Variants in TBX1 observed in about 807,000 individuals in gnomAD.
The protein encoded by TBX1 is T-box transcription factor TBX1.
In TBX1, 16 loss-of-function variants were observed where a neutral mutation model predicts 40.8. The observed-to-expected ratio is 0.39, with a 90% CI of 0.27 to 0.60. The LOEUF (loss-of-function observed/expected upper bound fraction) is 0.60. TBX1 is among the 20% of genes least tolerant of loss of function. TBX1 has a pLI of 0.51. For missense variants in TBX1, 755 were observed against 728.5 expected, an observed-to-expected ratio of 1.04 and a Z score of -0.42; for synonymous variants, 403 against 336.8, an observed-to-expected ratio of 1.20 and a Z score of -2.15.
downstream of TBX1, chr22:19,783,570 AAAAC>A (rs60613692): frequency 0.18 from 30,257 of 166,864 alleles, 2,907 homozygotes; most frequent in South Asian, 0.29. Flanking sequence ...CTTAAAAGAA[AAAAC>A]AAACAAACAA....
intron 1 of TBX1, 94 bp downstream of exon 1, chr22:19,761,374 C>G: frequency 7.6e-7 from 1 of 1,321,714 alleles, no homozygotes; most frequent in Non-Finnish European, 9.7e-7. Flanking sequence ...GGCCGAAAGC[C>G]GGGTCGGGGG....
At chr22:19,768,280 C>T (rs116670463), downstream of TBX1, among the ~76,000 whole-genome samples, 170 of 152,374 alleles carry the variant, frequency 1.1e-3, 2 homozygotes, top group African/African-American at 3.9e-3. Flanking sequence ...GCCTGAGTGC[C>T]ACCTCTCCGA....
chr22:19,777,754 CTTAAT>C (rs1937089421), intron 8 of TBX1, among the ~76,000 whole-genome samples: 1 of 144,724 alleles, frequency 6.9e-6, no homozygotes, highest in African/African-American at 2.5e-5. Flanking sequence ...TGTTGTTACT[CTTAAT>C]TTTTTTTTTT....
At chr22:19,779,644 C>T (rs1417681945), downstream of TBX1, 1 of 964,524 alleles carries the variant, frequency 1.0e-6, no homozygotes, top group African/African-American at 1.7e-5. Context: ...ACTGTAAACT[C>T]ATTATAAACA....
intron 2 of TBX1, 70 bp downstream of exon 2, chr22:19,763,412 AC>A (rs1936732151): frequency 4.9e-6 from 7 of 1,440,762 alleles, no homozygotes; most frequent in Non-Finnish European, 6.8e-6. Context: ...CCGCCTGGTG[AC>A]CCAACTCCAA....
chr22:19,764,870 A>G, intron 3 of TBX1, 88 bp from the exon 4 acceptor site: 1 of 1,532,458 alleles, frequency 6.5e-7, no homozygotes, highest in East Asian at 2.3e-5. Flanking sequence ...CTCATTGCCA[A>G]CTCAGACCTC....
At chr22:19,760,201 G>T (rs1936596171), upstream of TBX1, among the ~76,000 whole-genome samples, 1 of 137,220 alleles carries the variant, frequency 7.3e-6, no homozygotes. Context: ...AGAAAAAAAG[G>T]AAAGACTTTA....
chr22:19,764,538 T>C (rs996192657), intron 3 of TBX1, among the ~76,000 whole-genome samples: 3 of 152,190 alleles, frequency 2.0e-5, no homozygotes, highest in Non-Finnish European at 4.4e-5. Context: ...GAGAGCGGCC[T>C]CTGGTCAGGG....
chr22:19,764,036 G>T, intron 2 of TBX1, 119 bp from the exon 3 acceptor site: 1 of 1,123,434 alleles, frequency 8.9e-7, no homozygotes, highest in South Asian at 1.4e-5. Context: ...CGGCAGCAGA[G>T]GGTTCAATCT....
chr22:19,765,234 G>A lies in TBX1; in HGVS notation c.867+121G>A, dbSNP rs1936792244. ...ACCTGCAGGCTGTGGTCCCAGTGGA[G>A]CCCAACCCAACTGGAGCCCCACTCC... On this transcript the variant is annotated intron_variant, in intron 4 of 6. Transcript: ENST00000649276. 2.0e-6 allele frequency: 3 copies of A among 1,477,042 alleles called. No individual in the cohort carries two copies. The African/African-American group carries it at 4.2e-5, about 20-fold the overall frequency. 91.5% of individuals were successfully genotyped at this position (1,477,042 alleles called of 1,614,324 possible).
At chr22:19,780,774 C>CTTT (rs1569032654), downstream of TBX1, among the ~76,000 whole-genome samples, 28 of 109,502 alleles carry the variant, frequency 2.6e-4, no homozygotes, top group African/African-American at 1.0e-3. Context: ...CACTTGTTTT[C>CTTT]TGTTTTTTTT....
At chr22:19,777,885 A>G (rs1187806249) in intron 8 of TBX1, among the ~76,000 whole-genome samples, 2 of 148,904 alleles carry the variant, frequency 1.3e-5, no homozygotes, top group African/African-American at 5.0e-5. Flanking sequence ...TCAACCTCCC[A>G]TGTAGCTGGG....
chr22:19,770,328 G>A (rs1466366458), downstream of TBX1, among the ~76,000 whole-genome samples: 1 of 152,220 alleles, frequency 6.6e-6, no homozygotes, highest in African/African-American at 2.4e-5. Flanking sequence ...GCATCCCACG[G>A]AAGGGTTCTA....
At chr22:19,763,375 G>A (rs1187103252) in intron 2 of TBX1, 33 bp downstream of exon 2, 1 of 1,606,420 alleles carries the variant, frequency 6.2e-7, no homozygotes, top group South Asian at 1.1e-5. Flanking sequence ...GAGGGACCGG[G>A]AGGGCACCCT....
downstream of TBX1, among the ~76,000 whole-genome samples, chr22:19,779,999 A>T (rs1937123700): frequency 6.6e-6 from 1 of 152,222 alleles, no homozygotes; most frequent in Non-Finnish European, 1.5e-5. Context: ...TCGACATATA[A>T]AATTGACGTA....
At position 19,767,012 on chromosome 22, in the gene TBX1, C is replaced by T; in HGVS notation, c.*145C>T. Reference sequence around the variant, plus strand: ...CTCTCCCCTTCCCCAGCCTCGAAGCCATGGGGGCCCCCTCGCCACCCCCAG... The same window carrying T: ...CTCTCCCCTTCCCCAGCCTCGAAGCTATGGGGGCCCCCTCGCCACCCCCAG... On this transcript the variant is annotated 3_prime_UTR_variant, in exon 7 of 7. Transcript: ENST00000649276. 1.5e-6 allele frequency: 2 copies of T among 1,364,674 alleles called. No homozygotes were observed. The highest frequency in any genetic ancestry group is 3.4e-5 in the Admixed American group (1 of 29,550). 84.5% of individuals were successfully genotyped at this position (1,364,674 alleles called of 1,614,324 possible).
At position 19,766,741 on chromosome 22, in the gene TBX1, C is replaced by G. The variant is rs771471094; in HGVS notation, c.1389C>G (p.His463Gln). The G allele has an allele frequency of 2.0e-6, 3 of 1,537,606 alleles. No homozygotes were observed. Among genetic ancestry groups the G allele is most frequent in the Admixed American group, 1.9e-5 (1 of 52,728 alleles). ...HGYHPHAHPH[H>Q]HHHPVSPAAA... ...ACCACCCGCACGCGCATCCGCACCA[C>G]CACCACCACCCCGTGAGTCCAGCCG... The change falls in exon 7 of 7, where the codon CAC becomes CAG. Residue 463 changes from histidine (H) to glutamine (Q), a missense_variant. By Grantham distance (24) the His-to-Gln change is conservative (BLOSUM62 0). Around this residue, in one of 3 missense-constraint regions of TBX1, gnomAD observed 412 missense variants for 317.6 expected, o/e 1.30. Transcript: ENST00000649276.
At chr22:19,762,301 G>A (rs894881925) in intron 1 of TBX1, among the ~76,000 whole-genome samples, 2 of 152,388 alleles carry the variant, frequency 1.3e-5, no homozygotes, top group Admixed American at 1.3e-4. Context: ...CTTCGGGTGG[G>A]GGAGGGAGCG....
At chr22:19,780,781 T>TTG (rs1375036723), downstream of TBX1, among the ~76,000 whole-genome samples, 2 of 143,612 alleles carry the variant, frequency 1.4e-5, no homozygotes, top group African/African-American at 2.7e-5. Flanking sequence ...TTTCTGTTTT[T>TTG]TTTTTTGTTT....
Sources: gnomAD v4.1 joint callset for allele counts (sites outside exome capture counted in the v4.1 genomes callset) on GRCh38, gnomAD v4.1.1 for gene constraint, gnomAD v4.1.1 regional missense constraint, MANE v1.5 for transcripts, NCBI Gene and HGNC (gene_info 2026-07-23, HGNC 2026-07-21) for gene names.